MYO1D: variants seen among roughly 807,000 people sequenced by gnomAD.
MYO1D encodes myosin ID.
MYO1D carries 83 observed loss-of-function variants against 122.0 expected under a neutral mutation model. The observed-to-expected ratio is 0.68, with a 90% CI of 0.57 to 0.82. MYO1D has a LOEUF of 0.82. MYO1D is among the 40% of genes least tolerant of loss of function. The probability of loss-of-function intolerance (pLI) is 0.00; values close to 1 mark genes in which losing one functional copy is unlikely to be tolerated. For synonymous variants in MYO1D, 464 were observed against 446.9 expected, an observed-to-expected ratio of 1.04 and a Z score of -0.48; for missense variants, 1,157 against 1,269.5, an observed-to-expected ratio of 0.91 and a Z score of 1.35.
intron 20 of MYO1D, among the ~76,000 whole-genome samples, chr17:32,618,371 A>G (rs1253657562): frequency 6.6e-6 from 1 of 152,208 alleles, no homozygotes; most frequent in Non-Finnish European, 1.5e-5. Context: ...AAAGCCACTC[A>G]GCAAAACTCT....
At chr17:32,872,600 A>G (rs1017258908) in intron 1 of MYO1D, among the ~76,000 whole-genome samples, 1 of 149,538 alleles carries the variant, frequency 6.7e-6, no homozygotes, top group Non-Finnish European at 1.5e-5. Context: ...AGCAAGAAAT[A>G]TAAGTTGAAG....
At chr17:32,694,437 C>T (rs573290832) in intron 16 of MYO1D, among the ~76,000 whole-genome samples, 18 of 152,274 alleles carry the variant, frequency 1.2e-4, no homozygotes, top group African/African-American at 4.3e-4. Context: ...AAAATTTGCT[C>T]ACGCCTGTAA....
At chr17:32,745,438 C>G in intron 12 of MYO1D, 153 bp from the exon 13 acceptor site, 1 of 540,152 alleles carries the variant, frequency 1.9e-6, no homozygotes, top group Non-Finnish European at 3.4e-6. Flanking sequence ...TTAAAGGATA[C>G]CAAATTTACC....
intron 7 of MYO1D, among the ~76,000 whole-genome samples, chr17:32,767,153 T>C (rs1044241705): frequency 2.0e-5 from 3 of 152,206 alleles, no homozygotes; most frequent in Admixed American, 6.5e-5. Flanking sequence ...AAGTTTGGTG[T>C]GGTATAGTGG....
At chr17:32,812,987 TCCACAC>T (rs922791014) in intron 1 of MYO1D, among the ~76,000 whole-genome samples, 1 of 152,182 alleles carries the variant, frequency 6.6e-6, no homozygotes, top group Non-Finnish European at 1.5e-5. Context: ...CATGGAGTCA[TCCACAC>T]CCATCATCCA....
At chr17:32,548,239 T>C (rs2086981174) in intron 21 of MYO1D, among the ~76,000 whole-genome samples, 1 of 151,782 alleles carries the variant, frequency 6.6e-6, no homozygotes, top group Non-Finnish European at 1.5e-5. Context: ...GCAACAAGGC[T>C]GGTCTTTTAT....
intron 11 of MYO1D, among the ~76,000 whole-genome samples, chr17:32,751,642 C>A (rs1257720536): frequency 6.6e-6 from 1 of 151,978 alleles, no homozygotes; most frequent in Non-Finnish European, 1.5e-5. Flanking sequence ...AGCTAAGAAC[C>A]AAATCAAGAA....
intron 21 of MYO1D, among the ~76,000 whole-genome samples, chr17:32,603,808 A>G (rs949461442): frequency 2.6e-5 from 4 of 152,164 alleles, no homozygotes; most frequent in African/African-American, 9.7e-5. Flanking sequence ...TACAGGCGTG[A>G]GCCACTGCGC....
At chr17:32,847,999 G>A (rs2090953151) in intron 1 of MYO1D, among the ~76,000 whole-genome samples, 1 of 152,144 alleles carries the variant, frequency 6.6e-6, no homozygotes, top group Admixed American at 6.5e-5. Flanking sequence ...TTCCTACAGG[G>A]TACCTGCTAT....
At chr17:32,519,550 T>G (rs1241204543) in intron 21 of MYO1D, among the ~76,000 whole-genome samples, 1 of 151,722 alleles carries the variant, frequency 6.6e-6, no homozygotes, top group Non-Finnish European at 1.5e-5. Context: ...CGCCCGCGGC[T>G]GAAACGAAGC....
intron 15 of MYO1D, among the ~76,000 whole-genome samples, chr17:32,718,589 T>A (rs1213465004): frequency 1.3e-5 from 2 of 151,902 alleles, no homozygotes; most frequent in Non-Finnish European, 2.9e-5. Flanking sequence ...TAATCCCAGC[T>A]ATTTGGGAGG....
intron 4 of MYO1D, among the ~76,000 whole-genome samples, chr17:32,775,474 A>G (rs1046568214): frequency 1.3e-5 from 2 of 152,238 alleles, no homozygotes; most frequent in African/African-American, 2.4e-5. Flanking sequence ...AAAGCAATGA[A>G]CAAATAGAAA....
chr17:32,811,616 C>CT (rs755189217), intron 1 of MYO1D, among the ~76,000 whole-genome samples: 14,322 of 56,756 alleles, frequency 0.25, 5,193 homozygotes, highest in Non-Finnish European at 0.36. Context: ...CCCTCACCCT[C>CT]TTTTTTTTTT....
chr17:32,621,103 C>T (rs1429168867), intron 20 of MYO1D, among the ~76,000 whole-genome samples: 1 of 151,970 alleles, frequency 6.6e-6, no homozygotes, highest in Admixed American at 6.6e-5. Context: ...CCCTTGGGGA[C>T]GTTGAATAAG....
intron 1 of MYO1D, among the ~76,000 whole-genome samples, chr17:32,873,250 G>A (rs534117726): frequency 1.8e-4 from 28 of 152,260 alleles, no homozygotes; most frequent in African/African-American, 6.3e-4. Context: ...CTGCTGTTGA[G>A]AAAACACAGA....
At chr17:32,875,228 A>G (rs115800026) in intron 1 of MYO1D, among the ~76,000 whole-genome samples, 6,878 of 152,256 alleles carry the variant, frequency 0.045, 489 homozygotes, top group African/African-American at 0.15. Context: ...AAAGCACACA[A>G]CTTATTTCCT....
chr17:32,788,538 C>A (rs1598100144), intron 1 of MYO1D, among the ~76,000 whole-genome samples: 1 of 152,054 alleles, frequency 6.6e-6, no homozygotes, highest in South Asian at 2.1e-4. Flanking sequence ...GGTGTCTTTT[C>A]CCCAGTTGTC....
chr17:32,824,407 C>T (rs2090703264), intron 1 of MYO1D, among the ~76,000 whole-genome samples: 2 of 152,152 alleles, frequency 1.3e-5, no homozygotes, highest in Non-Finnish European at 2.9e-5. Context: ...AGATATTTGT[C>T]CTTTCACACA....
chr17:32,751,678 A>C (rs1332454168), intron 11 of MYO1D, among the ~76,000 whole-genome samples: 1 of 152,158 alleles, frequency 6.6e-6, no homozygotes, highest in Non-Finnish European at 1.5e-5. Flanking sequence ...AATATCCACA[A>C]ACACTCACAC....
Sources: gnomAD v4.1 joint callset for allele counts (sites outside exome capture counted in the v4.1 genomes callset) on GRCh38, gnomAD v4.1.1 for gene constraint, MANE v1.5 for transcripts, NCBI Gene and HGNC (gene_info 2026-07-23, HGNC 2026-07-21) for gene names.